SLC9A9: variants seen among roughly 807,000 people sequenced by gnomAD.
SLC9A9 encodes sodium/hydrogen exchanger 9.
In SLC9A9, 62 loss-of-function variants were observed where a neutral mutation model predicts 77.8. That is an observed-to-expected ratio of 0.80 (90% CI 0.65 to 0.98). SLC9A9 has a LOEUF of 0.98. Among genes scored for constraint, SLC9A9 ranks in the 50% least tolerant of loss-of-function variants. SLC9A9 has a pLI of 0.00. For synonymous variants in SLC9A9, 320 were observed against 283.5 expected (o/e 1.13, Z -1.29); for missense variants, 775 against 774.9 (o/e 1.00, Z 0.00).
intron 8 of SLC9A9, among the ~76,000 whole-genome samples, chr3:143,552,881 C>G (rs147775650): frequency 6.6e-6 from 1 of 152,056 alleles, no homozygotes; most frequent in Non-Finnish European, 1.5e-5. Flanking sequence ...CTTTGGGTAG[C>G]CTAAAGAAGT....
intron 12 of SLC9A9, among the ~76,000 whole-genome samples, chr3:143,420,235 A>G (rs192763275): frequency 2.2e-4 from 33 of 152,332 alleles, no homozygotes; most frequent in Non-Finnish European, 4.0e-4. Flanking sequence ...GCAGTGTTCT[A>G]ATTTATGAAA....
chr3:143,779,724 C>T (rs6805483), intron 4 of SLC9A9, among the ~76,000 whole-genome samples: 85,301 of 152,120 alleles, frequency 0.56, 26,779 homozygotes, highest in African/African-American at 0.84. Flanking sequence ...CCTGCCTATC[C>T]CACATAGTTG....
At chr3:143,737,459 C>G (rs1253288465) in intron 4 of SLC9A9, among the ~76,000 whole-genome samples, 1 of 151,044 alleles carries the variant, frequency 6.6e-6, no homozygotes, top group South Asian at 2.1e-4. Context: ...AAAATAAGAA[C>G]CCATGTAATG....
chr3:143,451,163 T>C (rs116240829), intron 12 of SLC9A9, among the ~76,000 whole-genome samples: 248 of 151,300 alleles, frequency 1.6e-3, no homozygotes, highest in African/African-American at 5.7e-3. Context: ...AAGAGTGTTA[T>C]TAAAAAAAAA....
intron 14 of SLC9A9, among the ~76,000 whole-genome samples, chr3:143,271,089 A>G (rs7620673): frequency 0.35 from 53,489 of 152,106 alleles, 12,132 homozygotes; most frequent in African/African-American, 0.65. Context: ...CCCCCTAGTC[A>G]CTTAGTAGCC....
intron 4 of SLC9A9, among the ~76,000 whole-genome samples, chr3:143,718,583 G>A (rs79987143): frequency 0.034 from 5,215 of 152,216 alleles, 288 homozygotes; most frequent in African/African-American, 0.12. Context: ...TGAAATGCCT[G>A]GGTTCCACCA....
At chr3:143,309,348 C>T (rs2030931467) in intron 14 of SLC9A9, among the ~76,000 whole-genome samples, 1 of 150,522 alleles carries the variant, frequency 6.6e-6, no homozygotes, top group Admixed American at 6.6e-5. Flanking sequence ...GGAAACACCA[C>T]AGCGTACCTT....
At chr3:143,494,308 A>T (rs1043622325) in intron 10 of SLC9A9, among the ~76,000 whole-genome samples, 1 of 152,244 alleles carries the variant, frequency 6.6e-6, no homozygotes, top group African/African-American at 2.4e-5. Context: ...TTCCTAAAAT[A>T]AAAGTTTATA....
chr3:143,352,903 A>G (rs2032497310), intron 14 of SLC9A9, among the ~76,000 whole-genome samples: 1 of 152,176 alleles, frequency 6.6e-6, no homozygotes, highest in African/African-American at 2.4e-5. Flanking sequence ...CTGCATTATA[A>G]CAAACAGGAC....
chr3:143,480,665 G>C (rs2035558391), intron 11 of SLC9A9, among the ~76,000 whole-genome samples: 1 of 152,202 alleles, frequency 6.6e-6, no homozygotes, highest in Non-Finnish European at 1.5e-5. Flanking sequence ...AGAGATGAGG[G>C]CTTGGTGGAA....
At chr3:143,406,978 G>GAAAAAAAAAA (rs57344964) in intron 12 of SLC9A9, among the ~76,000 whole-genome samples, 45 of 69,342 alleles carry the variant, frequency 6.5e-4, no homozygotes, top group Non-Finnish European at 7.4e-4. Flanking sequence ...TCCATCTCGA[G>GAAAAAAAAAA]AAAAAAAAAA....
chr3:143,502,018 C>T (rs2035931360), intron 9 of SLC9A9, among the ~76,000 whole-genome samples: 1 of 150,876 alleles, frequency 6.6e-6, no homozygotes, highest in Admixed American at 6.6e-5. Context: ...AAAAAATCTT[C>T]CACCCCAAAG....
chr3:143,287,081 C>T (rs1386061713), intron 14 of SLC9A9, among the ~76,000 whole-genome samples: 7 of 149,914 alleles, frequency 4.7e-5, no homozygotes, highest in Admixed American at 2.6e-4. Context: ...ACTTTCCCTC[C>T]TCCTTCCTTC....
chr3:143,484,352 A>C (rs1408788979), intron 11 of SLC9A9, among the ~76,000 whole-genome samples: 1 of 152,186 alleles, frequency 6.6e-6, no homozygotes, highest in African/African-American at 2.4e-5. Context: ...CCTCTGGCTT[A>C]TGTTACCTTA....
chr3:143,582,099 C>T (rs140612935), intron 6 of SLC9A9, among the ~76,000 whole-genome samples: 23 of 152,316 alleles, frequency 1.5e-4, no homozygotes, highest in Admixed American at 1.2e-3. Context: ...AAGCAAATCA[C>T]CACCCACAAG....
At chr3:143,615,674 A>G (rs970751038) in intron 6 of SLC9A9, among the ~76,000 whole-genome samples, 5 of 152,214 alleles carry the variant, frequency 3.3e-5, no homozygotes, top group Non-Finnish European at 4.4e-5. Context: ...TGTAGCAAGT[A>G]TCATTTGATG....
intron 11 of SLC9A9, among the ~76,000 whole-genome samples, chr3:143,483,879 C>G (rs886676736): frequency 6.6e-6 from 1 of 152,102 alleles, no homozygotes; most frequent in Admixed American, 6.5e-5. Flanking sequence ...CAAACCTGAG[C>G]CAAGCCCAGC....
chr3:143,493,911 G>A (rs2035791371), intron 10 of SLC9A9, 147 bp from the exon 11 acceptor site: 1 of 675,836 alleles, frequency 1.5e-6, no homozygotes, highest in African/African-American at 1.8e-5. Context: ...TGTCCAACTT[G>A]CTTCCAAAAT....
chr3:143,675,821 T>C (rs1484886556), intron 5 of SLC9A9, among the ~76,000 whole-genome samples: 4 of 152,234 alleles, frequency 2.6e-5, no homozygotes. Context: ...GCATACTCTT[T>C]GTTTAGTCGT....
Sources: gnomAD v4.1 joint callset for allele counts (sites outside exome capture counted in the v4.1 genomes callset) on GRCh38, gnomAD v4.1.1 for gene constraint, MANE v1.5 for transcripts, NCBI Gene and HGNC (gene_info 2026-07-23, HGNC 2026-07-21) for gene names.